SCAI: variants seen among roughly 807,000 people sequenced by gnomAD.
SCAI encodes suppressor of cancer cell invasion.
Under a neutral mutation model 92.2 loss-of-function variants are expected in SCAI, and 24 were observed. That is an observed-to-expected ratio of 0.26 (90% CI 0.19 to 0.37). The LOEUF is 0.37. Among genes scored for constraint, SCAI ranks in the 10% least tolerant of loss-of-function variants. The pLI is 1.00. For synonymous variants in SCAI, 261 were observed against 258.6 expected (o/e 1.01, Z -0.09); for missense variants, 450 against 736.2 (o/e 0.61, Z 4.50).
chr9:124,977,486 C>A (rs1019714293), intron 14 of SCAI, among the ~76,000 whole-genome samples: 1 of 152,040 alleles, frequency 6.6e-6, no homozygotes, highest in Non-Finnish European at 1.5e-5. Context: ...CCAGCCTGGG[C>A]AAAATAGTGA....
chr9:124,995,978 A>C (rs1469715516), intron 13 of SCAI, among the ~76,000 whole-genome samples: 1 of 152,178 alleles, frequency 6.6e-6, no homozygotes, highest in Non-Finnish European at 1.5e-5. Context: ...CGATGTGCAT[A>C]TGTGGATAGA....
At chr9:124,961,270 TAA>T (rs959153501) in intron 17 of SCAI, among the ~76,000 whole-genome samples, 5 of 139,784 alleles carry the variant, frequency 3.6e-5, no homozygotes, top group Admixed American at 7.2e-5. Flanking sequence ...CTCATCTCAT[TAA>T]AAAAAAAAAA....
chr9:125,009,015 C>G (rs77996227), intron 9 of SCAI, among the ~76,000 whole-genome samples: 4,411 of 151,920 alleles, frequency 0.029, 226 homozygotes, highest in African/African-American at 0.097. Flanking sequence ...CAGACAATTT[C>G]TCAACAGAAA....
chr9:124,963,128 C>T (rs1286661427), intron 17 of SCAI, among the ~76,000 whole-genome samples: 1 of 150,122 alleles, frequency 6.7e-6, no homozygotes, highest in Admixed American at 6.6e-5. Context: ...ATACAGTTAG[C>T]TAGAGAAAAG....
chr9:125,037,642 C>G (rs1833227295), intron 3 of SCAI, among the ~76,000 whole-genome samples: 1 of 152,138 alleles, frequency 6.6e-6, no homozygotes, highest in Non-Finnish European at 1.5e-5. Flanking sequence ...TGGCCGGGTA[C>G]AGTGGCTCAA....
intron 2 of SCAI, among the ~76,000 whole-genome samples, chr9:125,117,510 A>G (rs1436547237): frequency 4.6e-5 from 7 of 151,958 alleles, no homozygotes; most frequent in African/African-American, 1.7e-4. Context: ...TACTAAAACT[A>G]CAAAAATTAG....
chr9:125,008,078 C>A (rs1000438697), intron 9 of SCAI, among the ~76,000 whole-genome samples: 5 of 145,714 alleles, frequency 3.4e-5, no homozygotes, highest in Admixed American at 2.7e-4. Flanking sequence ...ATCTCCCGAC[C>A]TTGTGATCCG....
At chr9:124,985,822 C>T (rs1831978721) in intron 14 of SCAI, among the ~76,000 whole-genome samples, 1 of 148,686 alleles carries the variant, frequency 6.7e-6, no homozygotes, top group South Asian at 2.1e-4. Context: ...GAGATCGCAC[C>T]ATTGCACTCC....
At chr9:125,034,078 G>T (rs911634593) in intron 3 of SCAI, among the ~76,000 whole-genome samples, 1 of 152,178 alleles carries the variant, frequency 6.6e-6, no homozygotes, top group Non-Finnish European at 1.5e-5. Context: ...ACACTTTAAG[G>T]ACCTGTGGCT....
chr9:125,068,631 T>C (rs1833916811), intron 2 of SCAI, among the ~76,000 whole-genome samples: 1 of 152,202 alleles, frequency 6.6e-6, no homozygotes, highest in Admixed American at 6.5e-5. Flanking sequence ...AAGACCAGCC[T>C]GAATAACATG....
At chr9:125,087,758 TAATG>T (rs1834351365) in intron 2 of SCAI, among the ~76,000 whole-genome samples, 3 of 152,136 alleles carry the variant, frequency 2.0e-5, no homozygotes, top group African/African-American at 7.2e-5. Flanking sequence ...AGAGAAGAGA[TAATG>T]AATCAGGGAA....
chr9:125,105,175 A>C (rs1229210869), intron 2 of SCAI, among the ~76,000 whole-genome samples: 1 of 151,980 alleles, frequency 6.6e-6, no homozygotes, highest in Non-Finnish European at 1.5e-5. Flanking sequence ...CTACAAAAAA[A>C]ACTTTAAGAA....
intron 2 of SCAI, among the ~76,000 whole-genome samples, chr9:125,103,596 A>C (rs1047174858): frequency 1.3e-5 from 2 of 152,200 alleles, no homozygotes; most frequent in African/African-American, 2.4e-5. Flanking sequence ...CACAATAATG[A>C]AGTTACAGTC....
intron 2 of SCAI, among the ~76,000 whole-genome samples, chr9:125,135,841 T>C (rs1344217517): frequency 2.7e-5 from 4 of 150,240 alleles, no homozygotes; most frequent in Non-Finnish European, 4.4e-5. Context: ...TGGTGGCGCA[T>C]GTCTGTAATC....
At chr9:124,991,213 G>C (rs1832114131) in intron 14 of SCAI, among the ~76,000 whole-genome samples, 1 of 151,718 alleles carries the variant, frequency 6.6e-6, no homozygotes. Flanking sequence ...TTAGCCAGGT[G>C]TGGTGGCACA....
chr9:125,038,340 T>C (rs956485476), intron 3 of SCAI, among the ~76,000 whole-genome samples: 1 of 152,234 alleles, frequency 6.6e-6, no homozygotes, highest in Admixed American at 6.5e-5. Context: ...TAGCTCAACC[T>C]GCTATGTTTT....
intron 9 of SCAI, among the ~76,000 whole-genome samples, chr9:125,006,759 G>T (rs1223865809): frequency 6.6e-6 from 1 of 151,896 alleles, no homozygotes; most frequent in African/African-American, 2.4e-5. Flanking sequence ...CACAGTGTGG[G>T]GATTACAGGT....
intron 2 of SCAI, among the ~76,000 whole-genome samples, chr9:125,117,973 T>C (rs1015542720): frequency 1.6e-4 from 24 of 152,146 alleles, no homozygotes; most frequent in Admixed American, 3.9e-4. Flanking sequence ...AATGCCCCCA[T>C]CTTCTAATGA....
chr9:124,967,721 ACCCAGTGCAGGC>A (rs1208046690), intron 17 of SCAI, among the ~76,000 whole-genome samples: 1 of 152,236 alleles, frequency 6.6e-6, no homozygotes, highest in Non-Finnish European at 1.5e-5. Flanking sequence ...TCCCAGGACA[ACCCAGTGCAGGC>A]CACACCCTGG....
Sources: allele counts gnomAD v4.1 joint callset (sites outside exome capture counted in the v4.1 genomes callset), GRCh38; gene constraint gnomAD v4.1.1; transcripts MANE v1.5; gene names NCBI Gene and HGNC (gene_info 2026-07-23, HGNC 2026-07-21).